Variants in LYPD1 observed in about 807,000 individuals in gnomAD.
LYPD1 encodes the protein LY6/PLAUR domain containing 1.
Under a neutral mutation model 14.2 loss-of-function variants are expected in LYPD1, and 14 were observed. The ratio of observed to expected loss-of-function variants is 0.99; its 90% CI spans 0.65 to 1.54. The LOEUF (loss-of-function observed/expected upper bound fraction) is 1.54, where lower values mean the gene tolerates loss of function less well. Among genes scored for constraint, LYPD1 ranks in the 40% most tolerant of loss-of-function variants. The pLI is 0.00. For missense variants in LYPD1, 165 were observed against 175.7 expected (o/e 0.94, Z 0.34); for synonymous variants, 85 against 70.6 (o/e 1.20, Z -1.02).
In LYPD1 at chr2:132,644,647, A is replaced by G. The variant is rs2104884226; in HGVS notation, c.*1398T>C. On this transcript the variant is annotated 3_prime_UTR_variant, in exon 3 of 3. Transcript: ENST00000397463. The stretch of plus-strand genomic sequence containing the variant: ...CACTTCTTCCATTTGATTTAAAAAT[A>G]TCACTAGGTCTTCTTTGTGCAGACA... 6.6e-6 allele frequency among the ~76,000 whole-genome samples: 1 copy of G among 151,998 alleles called. No homozygotes were observed. Among genetic ancestry groups the G allele is most frequent in the South Asian group, 2.1e-4 (1 of 4,780 alleles).
Position 132,669,341 on chromosome 2 carries a change from C to T in LYPD1, c.52+540G>A, listed in dbSNP as rs1252589765. ...GCGAACTGGAGAGAGGACGCGAGACCTTTGCGCCTCTGGACGCTTCGGCCT... is the reference window on the plus strand; with the variant it reads ...GCGAACTGGAGAGAGGACGCGAGACTTTTGCGCCTCTGGACGCTTCGGCCT... On this transcript the variant is annotated intron_variant, in intron 1 of 2. Transcript: ENST00000397463. The surrounding 1 kb of genome is among the most constrained non-coding windows in gnomAD (Gnocchi z 4.3). Among the ~76,000 whole-genome samples the T allele has an allele frequency of 2.6e-5, 4 of 152,022 alleles. No individual in the cohort carries two copies. The highest frequency in any genetic ancestry group is 2.9e-5 in the Non-Finnish European group (2 of 68,014).
Position 132,645,769 on chromosome 2 carries a change from T to TGCCAGCCTGGCCTTGACTCC in LYPD1, c.*256_*275dup. Reference sequence around the variant, plus strand: ...CTCAGTGACTTCTAAGGACTGACTCTGCCAGCCTGGCCTTGACTCCGGTTA... The same window carrying TGCCAGCCTGGCCTTGACTCC: ...CTCAGTGACTTCTAAGGACTGACTCTGCCAGCCTGGCCTTGACTCCGCCAGCCTGGCCTTGACTCCGGTTA... On this transcript the variant is annotated 3_prime_UTR_variant, in exon 3 of 3. Coordinates refer to ENST00000397463, the MANE Select transcript of LYPD1 (RefSeq NM_144586.7). 1 of 1,026,988 alleles carries TGCCAGCCTGGCCTTGACTCC rather than the reference T, an allele frequency of 9.7e-7. No individual in the cohort carries two copies. The highest frequency in any genetic ancestry group is 1.7e-5 in the South Asian group (1 of 58,070). 63.6% of individuals were successfully genotyped at this position (1,026,988 alleles called of 1,614,324 possible). A position where few individuals can be genotyped will look rare whatever the true frequency, so the allele number is the denominator to read the frequency against.
intron 2 of LYPD1, among the ~76,000 whole-genome samples, chr2:132,646,996 A>G (rs1043177247): frequency 2.0e-5 from 3 of 152,236 alleles, no homozygotes; most frequent in Non-Finnish European, 2.9e-5. Context: ...TGTCTCAAAG[A>G]GCATGTGTGT....
Position 132,644,940 on chromosome 2 carries a change from C to A in LYPD1, c.*1105G>T. The A allele has an allele frequency of 1.3e-6, 1 of 760,976 alleles. No individual in the cohort carries two copies. The highest frequency in any genetic ancestry group is 2.1e-6 in the Non-Finnish European group (1 of 484,842). 47.1% of individuals were successfully genotyped at this position (760,976 alleles called of 1,614,324 possible). On this transcript the variant is annotated 3_prime_UTR_variant, in exon 3 of 3. Coordinates refer to ENST00000397463, the MANE Select transcript of LYPD1 (RefSeq NM_144586.7). ...GTGTTAAATTCTCTCTTGCTTGTGG[C>A]AAAAGAAGCTGTCAAGTCCAACACT... is the stretch of plus-strand genomic sequence containing the variant.
Position 132,668,509 on chromosome 2 carries a change from C to T in LYPD1, c.81G>A (p.Gln27=), listed in dbSNP as rs1403967897. 1 of 1,612,478 alleles carries T rather than the reference C, an allele frequency of 6.2e-7. No individual in the cohort carries two copies. Among genetic ancestry groups the T allele is most frequent in the Non-Finnish European group, 8.5e-7 (1 of 1,179,346 alleles). The part of the protein sequence containing the change: ...PGFALQIQCY[Q]CEEFQLNNDC... ...CGTTGTTCAGCTGGAATTCTTCACACTGGTAGCACTGGATTTGCAGCGCAA... is the reference window on the plus strand; with the variant it reads ...CGTTGTTCAGCTGGAATTCTTCACATTGGTAGCACTGGATTTGCAGCGCAA... Residue 27 remains glutamine (Q), a synonymous_variant, in exon 2 of 3, where the codon CAG becomes CAA. Coordinates refer to ENST00000397463, the MANE Select transcript of LYPD1 (RefSeq NM_144586.7).
Position 132,645,236 on chromosome 2 carries a change from C to T in LYPD1, c.*809G>A, listed in dbSNP as rs1373916493. Reference sequence around the variant, plus strand: ...ATGATCCTCCTCCCCTTCTCGGAGACGTTTTTCTACCTCAGCTCGGTCATC... The same window carrying T: ...ATGATCCTCCTCCCCTTCTCGGAGATGTTTTTCTACCTCAGCTCGGTCATC... On this transcript the variant is annotated 3_prime_UTR_variant, in exon 3 of 3. Coordinates refer to ENST00000397463, the MANE Select transcript of LYPD1 (RefSeq NM_144586.7). 1 of 1,614,200 alleles carries T rather than the reference C, an allele frequency of 6.2e-7. No homozygotes were observed. The highest frequency in any genetic ancestry group is 2.2e-5 in the East Asian group (1 of 44,876).
chr2:132,658,385 G>A lies in LYPD1; in HGVS notation c.190+10015C>T, dbSNP rs367772271. Among the ~76,000 whole-genome samples the A allele has an allele frequency of 3.2e-4, 49 of 152,288 alleles. 1 individual carries two copies. The highest frequency in any genetic ancestry group is 4.9e-4 in the Non-Finnish European group (33 of 68,026). ...GGGTGGAGGCAAGAACAGAAAGGAC[G>A]GGGGCAGCAGTAATGGCTGGTAAAT... On this transcript the variant is annotated intron_variant, in intron 2 of 2. Coordinates refer to ENST00000397463, the MANE Select transcript of LYPD1 (RefSeq NM_144586.7).
intron 2 of LYPD1, 49 bp from the exon 3 acceptor site, chr2:132,646,329 A>G (rs1682075810): frequency 1.5e-6 from 2 of 1,303,076 alleles, no homozygotes; most frequent in East Asian, 2.7e-5. Flanking sequence ...CGGCAAAAGA[A>G]TAGCTGTCCC....
Position 132,644,273 on chromosome 2 carries a change from T to G in LYPD1, c.*1772A>C, listed in dbSNP as rs1681938905. On this transcript the variant is annotated 3_prime_UTR_variant, in exon 3 of 3. Transcript: ENST00000397463. ...ATGTACATGCAGTAAACATTTGATC[T>G]ACAGAAGGGCCTTTGAGTGGTCTCT... Among the ~76,000 whole-genome samples the G allele has an allele frequency of 6.6e-6, 1 of 152,224 alleles. No homozygotes were observed. Among genetic ancestry groups the G allele is most frequent in the East Asian group, 1.9e-4 (1 of 5,196 alleles).
rs756355048 is a variant in LYPD1, at chr2:132,668,471, G to C, written c.119C>G (p.Pro40Arg). The C allele has an allele frequency of 6.2e-7, 1 of 1,612,036 alleles. No homozygotes were observed. The highest frequency in any genetic ancestry group is 8.5e-7 in the Non-Finnish European group (1 of 1,179,098). ...CACCGTGCAATTCACAATGAACTCG[G>C]GGGAGGAGCAGTCGTTGTTCAGCTG... is the stretch of plus-strand genomic sequence containing the variant. ...EFQLNNDCSS[P>R]EFIVNCTVNV... The change falls in exon 2 of 3, where the codon CCC (proline) becomes CGC (arginine). Residue 40 changes from proline (P) to arginine (R), a missense_variant. By Grantham distance (103) the Pro-to-Arg change is moderately radical (BLOSUM62 -2). Coordinates refer to ENST00000397463, the MANE Select transcript of LYPD1 (RefSeq NM_144586.7).
rs767692490 is a variant in LYPD1, at chr2:132,646,142, C to A, written c.329G>T (p.Arg110Met). 6.2e-7 allele frequency: 1 copy of A among 1,612,026 alleles called. No individual in the cohort carries two copies. The highest frequency in any genetic ancestry group is 2.2e-5 in the East Asian group (1 of 44,788). The change falls in exon 3 of 3, where the codon AGG becomes ATG. Residue 110 changes from arginine (R) to methionine (M), a missense_variant. By Grantham distance (91) the Arg-to-Met change is moderately conservative (BLOSUM62 -1). Transcript: ENST00000397463. The stretch of plus-strand genomic sequence containing the variant: ...GGCAGAACTTCCCCTTTTCTTGGGC[C>A]TTGGCCCGTTACAAAGAGGGGTGTT... ...CCNTPLCNGP[R>M]PKKRGSSASA...
At chr2:132,652,330 G>A (rs887601271) in intron 2 of LYPD1, among the ~76,000 whole-genome samples, 2 of 152,128 alleles carry the variant, frequency 1.3e-5, no homozygotes. Flanking sequence ...AGGAAAAGAC[G>A]ACAGAAGGAA....
At chr2:132,652,350 T>C (rs1682392401) in intron 2 of LYPD1, among the ~76,000 whole-genome samples, 1 of 152,048 alleles carries the variant, frequency 6.6e-6, no homozygotes, top group African/African-American at 2.4e-5. Context: ...AAGGGGGTTA[T>C]TTGAAGGGGG....
At chr2:132,666,175 T>C (rs1429018395) in intron 2 of LYPD1, among the ~76,000 whole-genome samples, 1 of 152,208 alleles carries the variant, frequency 6.6e-6, no homozygotes, top group African/African-American at 2.4e-5. Context: ...GTTAATATGA[T>C]GATTATACTA....
chr2:132,670,040 G>C lies in LYPD1; in HGVS notation c.-108C>G. ...GTGGCTGCCGAGGCTGCTGGGGCCC[G>C]CGCTGCTGCCGCGGAGACGACGGTC... On this transcript the variant is annotated 5_prime_UTR_variant, in exon 1 of 3. Transcript: ENST00000397463. This position sits in a 1 kb window ranked among gnomAD's most constrained non-coding sequence, Gnocchi z 4.5. 6.5e-7 allele frequency: 1 copy of C among 1,549,220 alleles called. No individual in the cohort carries two copies. The highest frequency in any genetic ancestry group is 8.6e-7 in the Non-Finnish European group (1 of 1,157,054).
intron 2 of LYPD1, among the ~76,000 whole-genome samples, chr2:132,654,701 A>AAAC (rs1682489241): frequency 6.6e-6 from 1 of 152,030 alleles, no homozygotes; most frequent in African/African-American, 2.4e-5. Context: ...ATGTAAAAGG[A>AAAC]AACAAGGAGT....
intron 2 of LYPD1, 64 bp downstream of exon 2, chr2:132,668,336 G>A (rs1353482740): frequency 6.6e-7 from 1 of 1,508,450 alleles, no homozygotes; most frequent in Non-Finnish European, 8.8e-7. Context: ...CTATTTAATG[G>A]CCCCCTCACT....
chr2:132,669,824 G>A lies in LYPD1; in HGVS notation c.52+57C>T, dbSNP rs1157669220. The A allele has an allele frequency of 4.4e-6, 7 of 1,598,964 alleles. No homozygotes were observed. Among genetic ancestry groups the A allele is most frequent in the South Asian group, 1.1e-5 (1 of 89,418 alleles). ...GGGCGCCTTGGGGGCAAAAGGGCTG[G>A]CGGGTAGATGGATTGTGCGCACCTG... On this transcript the variant is annotated intron_variant, in intron 1 of 2. Transcript: ENST00000397463. This position sits in a 1 kb window ranked among gnomAD's most constrained non-coding sequence, Gnocchi z 4.3.
At chr2:132,648,394 A>C (rs573764625) in intron 2 of LYPD1, among the ~76,000 whole-genome samples, 1 of 152,238 alleles carries the variant, frequency 6.6e-6, no homozygotes, top group East Asian at 1.9e-4. Context: ...AGATGCTGTC[A>C]TCAGTGTGGC....
Sources: gnomAD v4.1 joint callset for allele counts (sites outside exome capture counted in the v4.1 genomes callset) on GRCh38, gnomAD v4.1.1 for gene constraint, Gnocchi (gnomAD v3.1) non-coding constraint, MANE v1.5 for transcripts, NCBI Gene and HGNC (gene_info 2026-07-23, HGNC 2026-07-21) for gene names.